SREBF2: variants seen among roughly 807,000 people sequenced by gnomAD.
The protein encoded by SREBF2 is sterol regulatory element-binding protein 2.
SREBF2 carries 55 observed loss-of-function variants against 113.1 expected under a neutral mutation model. That is an observed-to-expected ratio of 0.49 (90% CI 0.39 to 0.61). The LOEUF (loss-of-function observed/expected upper bound fraction) is 0.61. Ranked by LOEUF, SREBF2 falls within the 20% of genes least tolerant of loss-of-function variation. The probability of loss-of-function intolerance (pLI) is 0.00; values close to 1 mark genes in which losing one functional copy is unlikely to be tolerated. For missense variants in SREBF2, 1,349 were observed against 1,487.4 expected (o/e 0.91, Z 1.53); for synonymous variants, 593 against 605.7 (o/e 0.98, Z 0.31).
chr22:41,877,834 GA>G, intron 8 of SREBF2, 107 bp from the exon 9 acceptor site: 1 of 1,209,728 alleles, frequency 8.3e-7, no homozygotes. Context: ...CCTTTCTTCT[GA>G]AAATGAGGTA....
Position 41,876,761 on chromosome 22 carries a change from G to A in SREBF2, c.1387-468G>A, listed in dbSNP as rs6002518. Among the ~76,000 whole-genome samples, 196 of 152,276 alleles carry A rather than the reference G, an allele frequency of 1.3e-3. 2 individuals carry two copies. The highest frequency in any genetic ancestry group is 4.6e-3 in the African/African-American group (193 of 41,562). On this transcript the variant is annotated intron_variant, in intron 7 of 18. Transcript: ENST00000361204. ...CAAGAGTTTTAACATAATGTACAGT[G>A]CTATGTAACTGTCACTGTAATCAAG...
chr22:41,903,264 C>T (rs1181290219), intron 17 of SREBF2, 109 bp downstream of exon 17: 22 of 1,357,886 alleles, frequency 1.6e-5, no homozygotes, highest in Non-Finnish European at 2.1e-5. Flanking sequence ...CCTCTGAGGT[C>T]AGCCTGGTGA....
chr22:41,877,358 G>A lies in SREBF2; in HGVS notation c.1516G>A (p.Ala506Thr), dbSNP rs958129098. The change falls in exon 8 of 19, where the codon GCC becomes ACC. Residue 506 changes from alanine to threonine, a missense_variant. Physicochemically the swap from Ala to Thr is moderately conservative, Grantham distance 58. This residue lies in a region of SREBF2 where 699 missense variants were observed against 843.3 expected (regional missense o/e 0.83). Coordinates refer to ENST00000361204, the MANE Select transcript of SREBF2 (RefSeq NM_004599.4). ...GACTTCCCTGCTGCAGTGGGGAGGGGCCCACGACTCTGACCAGCACCCACA... is the reference window on the plus strand; with the variant it reads ...GACTTCCCTGCTGCAGTGGGGAGGGACCCACGACTCTGACCAGCACCCACA... ...PLTSLLQWGG[A>T]HDSDQHPHSG... The A allele has an allele frequency of 1.2e-6, 2 of 1,614,056 alleles. No individual in the cohort carries two copies. Among genetic ancestry groups the A allele is most frequent in the Middle Eastern group, 1.7e-4 (1 of 6,060 alleles).
Position 41,905,464 on chromosome 22 carries a change from A to C in SREBF2, c.3230A>C (p.Gln1077Pro). ...KHGEVDAWPGQRERATAILLA... is the reference protein window; with the variant it reads ...KHGEVDAWPGPRERATAILLA... Reference sequence around the variant, plus strand: ...GGAGAGGTGGATGCCTGGCCCGGCCAGCGAGAGCGGGCCACCGCCATCCTG... The same window carrying C: ...GGAGAGGTGGATGCCTGGCCCGGCCCGCGAGAGCGGGCCACCGCCATCCTG... Residue 1077 changes from glutamine to proline, a missense_variant, in exon 19 of 19, where the codon CAG (glutamine) becomes CCG (proline). Gln to Pro is a moderately conservative substitution (Grantham distance 76). This residue lies in a region of SREBF2 where 650 missense variants were observed against 644.1 expected (regional missense o/e 1.01). Transcript: ENST00000361204. The C allele has an allele frequency of 6.3e-7, 1 of 1,578,586 alleles. No individual in the cohort carries two copies.
chr22:41,893,172 C>A lies in SREBF2; in HGVS notation c.2264C>A (p.Pro755His). ...TGTGGCCCCGAGCACAGTGCTGTTC[C>A]TGACTCCCTGCGCTGGCTCTGCCAC... ...SLCGPEHSAV[P>H]DSLRWLCHPL... is the part of the protein sequence containing the mutation. The change falls in exon 12 of 19, where the codon CCT becomes CAT. Residue 755 changes from proline to histidine, a missense_variant. Transcript: ENST00000361204. 1.2e-6 allele frequency: 2 copies of A among 1,614,166 alleles called. No homozygotes were observed. Among genetic ancestry groups the A allele is most frequent in the Non-Finnish European group, 1.7e-6 (2 of 1,180,040 alleles).
At chr22:41,864,894 A>T (rs2148373445) in intron 1 of SREBF2, among the ~76,000 whole-genome samples, 1 of 152,216 alleles carries the variant, frequency 6.6e-6, no homozygotes, top group Non-Finnish European at 1.5e-5. Context: ...TGGAGGCTGC[A>T]GTGAGCTGAA....
rs570787847 is a variant in SREBF2, at chr22:41,900,380, C to T, written c.2789C>T (p.Ser930Leu). 1.4e-4 allele frequency: 218 copies of T among 1,613,884 alleles called. 2 individuals carry two copies. In the South Asian group the frequency reaches 2.3e-3, roughly 17 times the overall value. The change falls in exon 16 of 19, where the codon TCA becomes TTA. Residue 930 changes from serine (S) to leucine (L), a missense_variant. By Grantham distance (145) the Ser-to-Leu change is moderately radical. Around this residue, in one of 2 missense-constraint regions of SREBF2, gnomAD observed 650 missense variants for 644.1 expected, o/e 1.01. Coordinates refer to ENST00000361204, the MANE Select transcript of SREBF2 (RefSeq NM_004599.4). ...IFHACRAMHA[S>L]LPGKADGQQS... ...CATGCCTGCAGAGCCATGCATGCCT[C>T]ACTCCCTGGGAAAGCAGATGGGCAG...
chr22:41,880,397 CAAAAAAAA>C (rs58272168), intron 9 of SREBF2, among the ~76,000 whole-genome samples: 1 of 87,624 alleles, frequency 1.1e-5, no homozygotes, highest in Non-Finnish European at 2.3e-5. Flanking sequence ...ACTAAAAATA[CAAAAAAAA>C]AAAAAAAAAA....
intron 9 of SREBF2, among the ~76,000 whole-genome samples, chr22:41,879,009 G>A (rs1039994939): frequency 6.6e-6 from 1 of 152,168 alleles, no homozygotes; most frequent in Non-Finnish European, 1.5e-5. Context: ...GAAATGCATG[G>A]AACATGGCAA....
At chr22:41,900,089 A>C in intron 15 of SREBF2, 2 of 1,426,718 alleles carry the variant, frequency 1.4e-6, no homozygotes, top group Non-Finnish European at 1.8e-6. Context: ...GTGATGGTGA[A>C]GCCTGTGTCT....
chr22:41,896,723 G>T (rs1024456577), intron 13 of SREBF2, among the ~76,000 whole-genome samples: 10 of 152,188 alleles, frequency 6.6e-5, no homozygotes, highest in South Asian at 2.1e-4. Context: ...GGGGGAGGGG[G>T]CAGTTCTGCC....
intron 5 of SREBF2, among the ~76,000 whole-genome samples, chr22:41,874,832 G>A (rs1416772880): frequency 6.6e-6 from 1 of 152,152 alleles, no homozygotes; most frequent in Non-Finnish European, 1.5e-5. Context: ...GTTTGAACCT[G>A]GGAGGCAGAG....
intron 13 of SREBF2, among the ~76,000 whole-genome samples, chr22:41,895,491 A>G (rs1341913476): frequency 7.5e-6 from 1 of 132,814 alleles, no homozygotes; most frequent in Non-Finnish European, 1.5e-5. Context: ...GCTGGAGTGC[A>G]ATGGACCAGT....
intron 15 of SREBF2, chr22:41,899,997 A>G (rs2077451297): frequency 8.0e-7 from 1 of 1,253,254 alleles, no homozygotes; most frequent in Non-Finnish European, 1.0e-6. Flanking sequence ...CGGGTACAAC[A>G]CCTTATTGTG....
chr22:41,848,305 T>A (rs1205782686), intron 1 of SREBF2, among the ~76,000 whole-genome samples: 1 of 152,038 alleles, frequency 6.6e-6, no homozygotes, highest in Non-Finnish European at 1.5e-5. Context: ...GCCAGGATGA[T>A]CTCAATCTCC....
At chr22:41,859,906 C>T (rs1254792712) in intron 1 of SREBF2, among the ~76,000 whole-genome samples, 3 of 145,444 alleles carry the variant, frequency 2.1e-5, no homozygotes, top group South Asian at 2.2e-4. Context: ...CCCAGGTTCT[C>T]GCCATTCTCC....
At chr22:41,905,069 T>C in intron 18 of SREBF2, 95 bp downstream of exon 18, 1 of 1,178,680 alleles carries the variant, frequency 8.5e-7, no homozygotes, top group Non-Finnish European at 1.2e-6. Context: ...ACATCTGGCA[T>C]TGGTGCCCAG....
At chr22:41,837,806 C>T (rs1423045649) in intron 1 of SREBF2, among the ~76,000 whole-genome samples, 15 of 146,562 alleles carry the variant, frequency 1.0e-4, no homozygotes, top group Non-Finnish European at 1.5e-4. Context: ...TGCAGTGAGC[C>T]GAGATCGCGC....
At chr22:41,901,693 C>T (rs2077466716) in intron 16 of SREBF2, among the ~76,000 whole-genome samples, 1 of 152,158 alleles carries the variant, frequency 6.6e-6, no homozygotes, top group African/African-American at 2.4e-5. Flanking sequence ...CCCAAATGCC[C>T]TGGGCTGCCA....
Sources: gnomAD v4.1 joint callset for allele counts (sites outside exome capture counted in the v4.1 genomes callset) on GRCh38, gnomAD v4.1.1 for gene constraint, gnomAD v4.1.1 regional missense constraint, MANE v1.5 for transcripts, NCBI Gene and HGNC (gene_info 2026-07-23, HGNC 2026-07-21) for gene names.